The following ZNF184 variants were observed in gnomAD, a reference collection of about 807,000 sequenced individuals.
The protein encoded by ZNF184 is zinc finger protein 184 (Kruppel-like).
A neutral mutation model predicts 54.4 loss-of-function variants in ZNF184; 16 were observed. That is an observed-to-expected ratio of 0.29 (90% CI 0.20 to 0.45). ZNF184 has a LOEUF of 0.45. Ranked by LOEUF, ZNF184 falls within the 20% of genes least tolerant of loss-of-function variation. The pLI is 1.00. For synonymous variants in ZNF184, 254 were observed against 295.3 expected, an observed-to-expected ratio of 0.86 and a Z score of 1.43; for missense variants, 681 against 888.2, an observed-to-expected ratio of 0.77 and a Z score of 2.97.
downstream of ZNF184, among the ~76,000 whole-genome samples, chr6:27,448,806 G>C (rs578006224): frequency 4.6e-5 from 7 of 151,808 alleles, no homozygotes; most frequent in African/African-American, 9.7e-5. Flanking sequence ...ACCCAAGAAA[G>C]GCATTTCCTA....
intron 5 of ZNF184, among the ~76,000 whole-genome samples, chr6:27,455,278 T>C (rs1424028887): frequency 6.6e-6 from 1 of 152,186 alleles, no homozygotes; most frequent in Non-Finnish European, 1.5e-5. Context: ...CTCAAGTGCT[T>C]GCCTTCTGTT....
At chr6:27,439,459 A>G in the ZNF184 span, among the ~76,000 whole-genome samples, 19 of 152,208 alleles carry the variant, frequency 1.2e-4, no homozygotes, top group Non-Finnish European at 2.5e-4. Context: ...CCTGACATCC[A>G]ACCATGGACA....
the ZNF184 span, among the ~76,000 whole-genome samples, chr6:27,421,288 T>C: frequency 2.6e-5 from 4 of 152,330 alleles, no homozygotes; most frequent in South Asian, 4.1e-4. Flanking sequence ...AAATGTACCA[T>C]TGAAGGAAGT....
the ZNF184 span, among the ~76,000 whole-genome samples, chr6:27,440,116 T>C: frequency 6.6e-6 from 1 of 152,256 alleles, no homozygotes; most frequent in African/African-American, 2.4e-5. Context: ...CTTTTGCCCA[T>C]ACTTTCCAGT....
rs1333768870 is a variant in ZNF184, at chr6:27,452,436, T to G, written c.1123A>C (p.Thr375Pro). The G allele has an allele frequency of 6.2e-7, 1 of 1,614,086 alleles. No homozygotes were observed. Among genetic ancestry groups the G allele is most frequent in the Non-Finnish European group, 8.5e-7 (1 of 1,180,012 alleles). ...ATTTTTTGATGTTGAGTAAGGTGTGTGCTCCTGGTGAAGGTTTTATCACAT... is the reference window on the plus strand; with the variant it reads ...ATTTTTTGATGTTGAGTAAGGTGTGGGCTCCTGGTGAAGGTTTTATCACAT... Reference protein sequence around the residue: ...DECDKTFTRSTHLTQHQKIHT... With the variant: ...DECDKTFTRSPHLTQHQKIHT... The change falls in exon 6 of 6, where the codon ACA becomes CCA. Residue 375 changes from threonine to proline, a missense_variant. Physicochemically the swap from Thr to Pro is conservative, Grantham distance 38 (BLOSUM62 -1). Transcript: ENST00000683788. The surrounding 1 kb of genome is among the most constrained non-coding windows in gnomAD (Gnocchi z 5.5).
chr6:27,446,311 C>T (rs1762636282), downstream of ZNF184, among the ~76,000 whole-genome samples: 1 of 152,202 alleles, frequency 6.6e-6, no homozygotes, highest in Non-Finnish European at 1.5e-5. Context: ...CTCAGAGCTG[C>T]CTCAGGTCTG....
At chr6:27,469,968 C>T (rs1763234274) in intron 2 of ZNF184, among the ~76,000 whole-genome samples, 1 of 128,840 alleles carries the variant, frequency 7.8e-6, no homozygotes, top group Non-Finnish European at 1.7e-5. Flanking sequence ...AAAAGCTAAA[C>T]AATCAAATGG....
At chr6:27,458,290 C>T (rs1465290903) in intron 3 of ZNF184, among the ~76,000 whole-genome samples, 7 of 93,940 alleles carry the variant, frequency 7.5e-5, no homozygotes, top group Non-Finnish European at 1.4e-4. Flanking sequence ...AAAGCTTCTG[C>T]ACAGTAAAAA....
rs910241994 is a variant in ZNF184, at chr6:27,472,475, TCA to T, written c.-139-44_-139-43del. The T allele has an allele frequency of 1.4e-6, 1 of 692,370 alleles. No homozygotes were observed. Among genetic ancestry groups the T allele is most frequent in the African/African-American group, 1.8e-5 (1 of 56,346 alleles). The allele number at this position is 692,370 out of a possible 1,614,324, so 42.9% of individuals were successfully genotyped here. A position where few individuals can be genotyped will look rare whatever the true frequency, so the allele number is the denominator to read the frequency against. On this transcript the variant is annotated intron_variant, in intron 1 of 5. Coordinates refer to ENST00000683788, the MANE Select transcript of ZNF184 (RefSeq NM_001318891.2). This position sits in a 1 kb window ranked among gnomAD's most constrained non-coding sequence, Gnocchi z 4.8. Reference sequence around the variant, plus strand: ...GGCGTCAGCAGCATACGTCACACAATCACACATCAGAGTCTTGCAAAGTGACC... The same window carrying T: ...GGCGTCAGCAGCATACGTCACACAATCACATCAGAGTCTTGCAAAGTGACC...
chr6:27,448,790 A>G (rs1762667492), downstream of ZNF184, among the ~76,000 whole-genome samples: 1 of 151,530 alleles, frequency 6.6e-6, no homozygotes, highest in African/African-American at 2.4e-5. Flanking sequence ...CATATCAAGC[A>G]TGTGAACCCA....
the ZNF184 span, among the ~76,000 whole-genome samples, chr6:27,421,818 T>C: frequency 2.0e-5 from 3 of 152,196 alleles, no homozygotes; most frequent in Non-Finnish European, 4.4e-5. Context: ...CTGTAAATCC[T>C]GGCACTTTGG....
chr6:27,423,532 G>A, the ZNF184 span, among the ~76,000 whole-genome samples: 2 of 151,808 alleles, frequency 1.3e-5, no homozygotes, highest in African/African-American at 2.4e-5. Flanking sequence ...CATCAAAGGC[G>A]GCTTGATCCT....
At chr6:27,418,984 C>A in the ZNF184 span, among the ~76,000 whole-genome samples, 3 of 152,026 alleles carry the variant, frequency 2.0e-5, no homozygotes, top group Non-Finnish European at 4.4e-5. Flanking sequence ...TTTGTTTCTT[C>A]ACACTTAGAA....
At chr6:27,413,862 C>T in the ZNF184 span, among the ~76,000 whole-genome samples, 1 of 152,184 alleles carries the variant, frequency 6.6e-6, no homozygotes, top group Non-Finnish European at 1.5e-5. Context: ...GACCTTTCTT[C>T]CATTTGACTC....
chr6:27,453,825 A>T lies in ZNF184; in HGVS notation c.299-565T>A, dbSNP rs1762791998. Among the ~76,000 whole-genome samples the T allele has an allele frequency of 6.6e-6, 1 of 152,220 alleles. No individual in the cohort carries two copies. The highest frequency in any genetic ancestry group is 2.4e-5 in the African/African-American group (1 of 41,454). ...TAGGCATTTTGAGAATTAAGAAAAG[A>T]AATGGAGAGCTGGACTATAGTAGCG... On this transcript the variant is annotated intron_variant, in intron 5 of 5. Coordinates refer to ENST00000683788, the MANE Select transcript of ZNF184 (RefSeq NM_001318891.2). This position sits in a 1 kb window ranked among gnomAD's most constrained non-coding sequence, Gnocchi z 4.7.
intron 3 of ZNF184, among the ~76,000 whole-genome samples, chr6:27,465,447 T>C (rs1763108585): frequency 8.9e-6 from 1 of 111,954 alleles, no homozygotes; most frequent in Non-Finnish European, 1.6e-5. Context: ...ATCGCGCCAC[T>C]GCACTCCAGG....
At chr6:27,413,912 G>A in the ZNF184 span, among the ~76,000 whole-genome samples, 758 of 152,226 alleles carry the variant, frequency 5.0e-3, 5 homozygotes, top group African/African-American at 0.017. Context: ...AACTGCATTA[G>A]CTGAACTCAA....
the ZNF184 span, among the ~76,000 whole-genome samples, chr6:27,421,405 C>T: frequency 2.5e-4 from 38 of 152,204 alleles, no homozygotes; most frequent in Middle Eastern, 6.8e-3. Context: ...AAAATAAAGT[C>T]TATATTTATC....
chr6:27,442,721 C>CGGAAGGAAGGAAGGAA, the ZNF184 span, among the ~76,000 whole-genome samples: 37 of 101,804 alleles, frequency 3.6e-4, 1 homozygote, highest in African/African-American at 9.6e-4. Context: ...GAAAGAAGGA[C>CGGAAGGAAGGAAGGAA]GGAAGGAAGG....
Sources: allele counts gnomAD v4.1 joint callset (sites outside exome capture counted in the v4.1 genomes callset), GRCh38; gene constraint gnomAD v4.1.1; non-coding constraint Gnocchi (gnomAD v3.1); transcripts MANE v1.5; gene names NCBI Gene and HGNC (gene_info 2026-07-23, HGNC 2026-07-21).